The following SEL1L2 variants were observed in gnomAD, a reference collection of about 807,000 sequenced individuals.
SEL1L2 encodes SEL1L2 adaptor subunit of SYVN1 ubiquitin ligase.
A neutral mutation model predicts 98.8 loss-of-function variants in SEL1L2; 89 were observed. That is an observed-to-expected ratio of 0.90 (90% CI 0.76 to 1.07). The LOEUF (loss-of-function observed/expected upper bound fraction) is 1.07. Among genes scored for constraint, SEL1L2 ranks in the 50% least tolerant of loss-of-function variants. The pLI, the probability that SEL1L2 is intolerant of heterozygous loss-of-function variation, is 0.00. For missense variants in SEL1L2, 788 were observed against 812.0 expected (o/e 0.97, Z 0.36); for synonymous variants, 262 against 278.5 (o/e 0.94, Z 0.59).
intron 1 of SEL1L2, among the ~76,000 whole-genome samples, chr20:13,972,048 T>TC (rs1240713342): frequency 6.6e-6 from 1 of 152,166 alleles, no homozygotes; most frequent in Admixed American, 6.5e-5. Context: ...TCTCTGTGTG[T>TC]GTGAGGACAC....
chr20:13,994,654 T>C (rs1366643142), upstream of SEL1L2, among the ~76,000 whole-genome samples: 1 of 152,184 alleles, frequency 6.6e-6, no homozygotes, highest in Non-Finnish European at 1.5e-5. Flanking sequence ...GAAACTGGAT[T>C]TTCAGAACCC....
chr20:13,876,511 AG>A (rs2046439898), intron 11 of SEL1L2, among the ~76,000 whole-genome samples: 1 of 151,212 alleles, frequency 6.6e-6, no homozygotes, highest in African/African-American at 2.4e-5. Context: ...CAGGGAGCCA[AG>A]GGTGGCACAC....
Position 13,956,209 on chromosome 20 carries a change from A to G in SEL1L2, c.59-78T>C, listed in dbSNP as rs187432285. On this transcript the variant is annotated intron_variant, in intron 1 of 19. Coordinates refer to ENST00000284951, the MANE Select transcript of SEL1L2 (RefSeq NM_025229.2). ...TTTCACTAAATACAATTTATTGTTAAAAAAACTTCTAGAAAACTTTTAGAA... is the reference window on the plus strand; with the variant it reads ...TTTCACTAAATACAATTTATTGTTAGAAAAACTTCTAGAAAACTTTTAGAA... 404 of 736,424 alleles carry G rather than the reference A, an allele frequency of 5.5e-4. 2 individuals carry two copies. The East Asian group carries it at 8.8e-3, about 16-fold the overall frequency. 45.6% of individuals were successfully genotyped at this position (736,424 alleles called of 1,614,324 possible).
At chr20:13,882,737 A>AACG (rs2046762906) in intron 10 of SEL1L2, among the ~76,000 whole-genome samples, 2 of 151,894 alleles carry the variant, frequency 1.3e-5, no homozygotes, top group Non-Finnish European at 2.9e-5. Context: ...AATGGTTATT[A>AACG]TTGAAAACCA....
intron 2 of SEL1L2, among the ~76,000 whole-genome samples, chr20:13,951,930 A>G (rs906434116): frequency 6.6e-6 from 1 of 152,068 alleles, no homozygotes; most frequent in Non-Finnish European, 1.5e-5. Flanking sequence ...ATCTGGATCA[A>G]TATTCTAGTT....
chr20:13,952,740 G>T (rs1220686062), intron 2 of SEL1L2, among the ~76,000 whole-genome samples: 1 of 127,390 alleles, frequency 7.8e-6, no homozygotes, highest in Non-Finnish European at 1.7e-5. Flanking sequence ...TTTTAAAAAA[G>T]CCTCCTTGGC....
At chr20:13,988,148 T>C (rs942021948) in intron 1 of SEL1L2, among the ~76,000 whole-genome samples, 2 of 151,842 alleles carry the variant, frequency 1.3e-5, no homozygotes, top group Non-Finnish European at 2.9e-5. Flanking sequence ...AATTTGTGTA[T>C]ATGAGGTATG....
chr20:13,899,934 T>C (rs1428737238), intron 5 of SEL1L2, among the ~76,000 whole-genome samples: 2 of 152,210 alleles, frequency 1.3e-5, no homozygotes, highest in African/African-American at 2.4e-5. Context: ...AAAACTTATA[T>C]TGGTGTTCAT....
chr20:13,981,826 G>C (rs929249867), intron 1 of SEL1L2, among the ~76,000 whole-genome samples: 1 of 152,166 alleles, frequency 6.6e-6, no homozygotes, highest in Non-Finnish European at 1.5e-5. Context: ...CTGGTTACAG[G>C]TACAACATGA....
intron 1 of SEL1L2, among the ~76,000 whole-genome samples, chr20:13,957,609 G>C (rs1488890376): frequency 6.6e-6 from 1 of 152,182 alleles, no homozygotes; most frequent in Non-Finnish European, 1.5e-5. Flanking sequence ...GGGTATGGCA[G>C]CTCACACCTG....
chr20:13,933,783 T>C (rs1314386889), intron 2 of SEL1L2, among the ~76,000 whole-genome samples: 1 of 152,030 alleles, frequency 6.6e-6, no homozygotes, highest in Non-Finnish European at 1.5e-5. Flanking sequence ...AAGGTTTCTG[T>C]TTTGTTTTGC....
At chr20:13,910,260 TG>T (rs913638118) in intron 5 of SEL1L2, among the ~76,000 whole-genome samples, 1 of 152,162 alleles carries the variant, frequency 6.6e-6, no homozygotes, top group Non-Finnish European at 1.5e-5. Context: ...GGACTAAAAT[TG>T]TTACACAACA....
At chr20:13,960,703 C>A (rs1424135059) in intron 1 of SEL1L2, among the ~76,000 whole-genome samples, 1 of 152,114 alleles carries the variant, frequency 6.6e-6, no homozygotes, top group Non-Finnish European at 1.5e-5. Context: ...TGCTAGAGAT[C>A]TGCACCACTG....
At chr20:13,984,163 C>A (rs1366140907) in intron 1 of SEL1L2, among the ~76,000 whole-genome samples, 2 of 152,024 alleles carry the variant, frequency 1.3e-5, no homozygotes, top group Non-Finnish European at 2.9e-5. Context: ...AGGCACATGC[C>A]ACCACGCCTG....
intron 12 of SEL1L2, 96 bp from the exon 13 acceptor site, chr20:13,870,299 T>C (rs2046123753): frequency 7.2e-6 from 6 of 838,312 alleles, no homozygotes; most frequent in African/African-American, 3.4e-5. Context: ...ATGCACCCAG[T>C]AAGAGATTAA....
chr20:13,896,887 T>C (rs2047450074), intron 5 of SEL1L2, among the ~76,000 whole-genome samples: 1 of 152,210 alleles, frequency 6.6e-6, no homozygotes, highest in South Asian at 2.1e-4. Context: ...TGTTATTTTT[T>C]GCAGAAATAG....
intron 17 of SEL1L2, among the ~76,000 whole-genome samples, chr20:13,861,387 C>T (rs1197911661): frequency 6.6e-6 from 1 of 151,892 alleles, no homozygotes; most frequent in Non-Finnish European, 1.5e-5. Flanking sequence ...CTCAAGCGAT[C>T]CTCCCAATTC....
At chr20:13,879,564 G>A (rs1439893622) in intron 10 of SEL1L2, among the ~76,000 whole-genome samples, 1 of 152,030 alleles carries the variant, frequency 6.6e-6, no homozygotes, top group Non-Finnish European at 1.5e-5. Flanking sequence ...TGTTTGCCAG[G>A]CTGATCTTGA....
intron 4 of SEL1L2, among the ~76,000 whole-genome samples, chr20:13,915,675 A>C (rs985226334): frequency 2.0e-5 from 3 of 152,162 alleles, no homozygotes; most frequent in Non-Finnish European, 4.4e-5. Flanking sequence ...TTGCATTCCA[A>C]GGGCAGTGTG....
Sources: gnomAD v4.1 joint callset for allele counts (sites outside exome capture counted in the v4.1 genomes callset) on GRCh38, gnomAD v4.1.1 for gene constraint, MANE v1.5 for transcripts, NCBI Gene and HGNC (gene_info 2026-07-23, HGNC 2026-07-21) for gene names.